The following NPAS1 variants were observed in gnomAD, a reference collection of about 807,000 sequenced individuals.
The protein encoded by NPAS1 is neuronal PAS domain protein 1, also known as neuronal PAS domain-containing protein 1.
NPAS1 carries 29 observed loss-of-function variants against 49.2 expected under a neutral mutation model. That is an observed-to-expected ratio of 0.59 (90% CI 0.44 to 0.80). The LOEUF is 0.80. NPAS1 is among the 30% of genes least tolerant of loss of function. The pLI is 0.00. For missense variants in NPAS1, 825 were observed against 835.5 expected, an observed-to-expected ratio of 0.99 and a Z score of 0.15; for synonymous variants, 408 against 380.4, an observed-to-expected ratio of 1.07 and a Z score of -0.84.
chr19:47,032,836 A>G (rs776904702), intron 5 of NPAS1, 104 bp downstream of exon 5: 23 of 805,826 alleles, frequency 2.9e-5, no homozygotes, highest in Non-Finnish European at 3.9e-5. Context: ...AGCAAGAAAA[A>G]TGGACTGGAT....
intron 3 of NPAS1, among the ~76,000 whole-genome samples, chr19:47,031,317 C>T (rs757622870): frequency 6.6e-6 from 1 of 151,324 alleles, no homozygotes; most frequent in African/African-American, 2.4e-5. Flanking sequence ...TCCTACCTAG[C>T]CTCCTAAATA....
At chr19:47,036,440 C>G (rs1256050546) in intron 6 of NPAS1, among the ~76,000 whole-genome samples, 1 of 151,260 alleles carries the variant, frequency 6.6e-6, no homozygotes, top group Non-Finnish European at 1.5e-5. Flanking sequence ...TGCACAATCA[C>G]ATTACATAAT....
chr19:47,030,145 G>A lies in NPAS1; in HGVS notation c.359-2133G>A, dbSNP rs746449405. Among the ~76,000 whole-genome samples, 12 of 151,958 alleles carry A rather than the reference G, an allele frequency of 7.9e-5. No individual in the cohort carries two copies. In the East Asian group the frequency reaches 1.4e-3, roughly 17 times the overall value. On this transcript the variant is annotated intron_variant, in intron 3 of 11. Coordinates refer to ENST00000602212, the MANE Select transcript of NPAS1 (RefSeq NM_002517.4). The stretch of plus-strand genomic sequence containing the variant: ...TTCAAGGGATTCTCCTGCCTCAGCC[G>A]CCTAAGTAGCTGGGATTATAGGTGC...
chr19:47,021,788 TCGCCGCGCTGGGGG>T lies in NPAS1; in HGVS notation c.306_319del (p.Pro106GlufsTer187). ...GTCACCTACCTCCGCCTGCGCCGGT[TCGCCGCGCTGGGGG>T]CGCCGCCCTGGGGGCTGAGAGCCGC... On this transcript the variant is annotated frameshift_variant, in exon 3 of 12. Coordinates refer to ENST00000602212, the MANE Select transcript of NPAS1 (RefSeq NM_002517.4). LOFTEE classifies it high-confidence loss of function. The surrounding 1 kb of genome is among the most constrained non-coding windows in gnomAD (Gnocchi z 5.7). 1 of 1,532,050 alleles carries T rather than the reference TCGCCGCGCTGGGGG, an allele frequency of 6.5e-7. No homozygotes were observed. The highest frequency in any genetic ancestry group is 8.8e-7 in the Non-Finnish European group (1 of 1,140,372). The allele number at this position is 1,532,050 out of a possible 1,614,324, so 94.9% of individuals were successfully genotyped here. A position where few individuals can be genotyped will look rare whatever the true frequency, so the allele number is the denominator to read the frequency against.
intron 6 of NPAS1, among the ~76,000 whole-genome samples, chr19:47,038,420 G>T (rs149392096): frequency 4.2e-5 from 6 of 141,792 alleles, no homozygotes; most frequent in Admixed American, 3.7e-4. Context: ...AGGAAGCTGA[G>T]GCAGGAGAAT....
chr19:47,039,091 T>G lies in NPAS1; in HGVS notation c.744T>G (p.Phe248Leu). The change falls in exon 7 of 12, where the codon TTT becomes TTG. Residue 248 changes from phenylalanine (F) to leucine (L), a missense_variant. Coordinates refer to ENST00000602212, the MANE Select transcript of NPAS1 (RefSeq NM_002517.4). ...CCCTGGTCCAGGAGCGCTCCTTCTT[T>G]GTCCGCATGAAATCCACGCTCACCA... ...PSSLVQERSF[F>L]VRMKSTLTKR... 1 of 1,613,972 alleles carries G rather than the reference T, an allele frequency of 6.2e-7. No homozygotes were observed. Among genetic ancestry groups the G allele is most frequent in the Non-Finnish European group, 8.5e-7 (1 of 1,179,948 alleles).
chr19:47,038,914 C>T, intron 6 of NPAS1, 122 bp from the exon 7 acceptor site: 2 of 773,188 alleles, frequency 2.6e-6, no homozygotes, highest in Admixed American at 2.1e-5. Context: ...AGGCATGCCT[C>T]TGAGTGCGGC....
intron 3 of NPAS1, among the ~76,000 whole-genome samples, chr19:47,024,591 C>T (rs1024979494): frequency 6.6e-6 from 1 of 152,154 alleles, no homozygotes; most frequent in Non-Finnish European, 1.5e-5. Context: ...TGCCCAAGGT[C>T]GCACAGCTGG....
Position 47,041,107 on chromosome 19 carries a change from G to T in NPAS1, c.1199G>T (p.Trp400Leu). ...AGCCCCGGGGAGCACCATGTGCTTT[G>T]GGTCAGCCACGTGCTCAGGTGAGGG... The part of the protein sequence containing the change: ...GKSPGEHHVL[W>L]VSHVLSQAEG... Residue 400 changes from tryptophan to leucine, a missense_variant, in exon 10 of 12, where the codon TGG (tryptophan) becomes TTG (leucine). Transcript: ENST00000602212. 6.3e-7 allele frequency: 1 copy of T among 1,592,584 alleles called. No homozygotes were observed.
chr19:47,021,260 A>C lies in NPAS1; in HGVS notation c.122+91A>C. 1 of 1,208,232 alleles carries C rather than the reference A, an allele frequency of 8.3e-7. No homozygotes were observed. The highest frequency in any genetic ancestry group is 2.8e-5 in the Admixed American group (1 of 35,264). 74.8% of individuals were successfully genotyped at this position (1,208,232 alleles called of 1,614,324 possible). On this transcript the variant is annotated intron_variant, in intron 2 of 11. Transcript: ENST00000602212. This position sits in a 1 kb window ranked among gnomAD's most constrained non-coding sequence, Gnocchi z 5.7. ...GTCCCCGTGCCAAGGGGCAGTTCAC[A>C]CCCAGCTCCCTGACCCGCCCCTTAG...
At chr19:47,022,991 C>T (rs1004121268) in intron 3 of NPAS1, among the ~76,000 whole-genome samples, 3 of 152,258 alleles carry the variant, frequency 2.0e-5, no homozygotes, top group African/African-American at 7.2e-5. Context: ...GTCCCCACCC[C>T]TCCAGGAGAA....
chr19:47,040,747 G>A (rs1054225268), intron 9 of NPAS1, 197 bp downstream of exon 9: 1 of 599,198 alleles, frequency 1.7e-6, no homozygotes, highest in South Asian at 2.1e-5. Flanking sequence ...GTGGGGGGGG[G>A]GTCTGGGGGG....
chr19:47,025,144 C>G (rs1197617383), intron 3 of NPAS1, among the ~76,000 whole-genome samples: 1 of 135,662 alleles, frequency 7.4e-6, no homozygotes, highest in Non-Finnish European at 1.7e-5. Flanking sequence ...CTGACACTCT[C>G]TGTATTTATC....
At position 47,042,866 on chromosome 19, in the gene NPAS1, C is replaced by G; in HGVS notation, c.1274C>G (p.Ala425Gly). ...GCCTTCCAGCTTCCAGCCAGCGTGG[C>G]CTGTGAGGAGGCATCCAGCCCGGGG... ...LDAFQLPASV[A>G]CEEASSPGPE... is the part of the protein sequence containing the mutation. The change falls in exon 11 of 12, where the codon GCC (alanine) becomes GGC (glycine). Residue 425 changes from alanine (A) to glycine (G), a missense_variant. Physicochemically the swap from Ala to Gly is moderately conservative, Grantham distance 60 (BLOSUM62 0). Transcript: ENST00000602212. 1 of 1,605,984 alleles carries G rather than the reference C, an allele frequency of 6.2e-7. No individual in the cohort carries two copies.
chr19:47,021,035 G>T lies in NPAS1; in HGVS notation c.-13G>T. 1 of 1,594,968 alleles carries T rather than the reference G, an allele frequency of 6.3e-7. No homozygotes were observed. The highest frequency in any genetic ancestry group is 8.5e-7 in the Non-Finnish European group (1 of 1,173,124). ...CTCGGGGCTCGGAGCCCGCCTGAGC[G>T]AGCCCCCCGGAGATGGCGGCCCCCT... On this transcript the variant is annotated 5_prime_UTR_variant, in exon 2 of 12. Transcript: ENST00000602212. This position sits in a 1 kb window ranked among gnomAD's most constrained non-coding sequence, Gnocchi z 5.7.
rs2122411280 is a variant in NPAS1, at chr19:47,019,987, C to T, written c.-53C>T. ...CTCTGCGGCCAAGTAATCGGACTGG[C>T]GGTCCTGCGGGTAGGGGAAGCTTGC... On this transcript the variant is annotated 5_prime_UTR_variant, in exon 1 of 12. Coordinates refer to ENST00000602212, the MANE Select transcript of NPAS1 (RefSeq NM_002517.4). 1 of 389,748 alleles carries T rather than the reference C, an allele frequency of 2.6e-6. No homozygotes were observed. Among genetic ancestry groups the T allele is most frequent in the Non-Finnish European group, 4.5e-6 (1 of 220,820 alleles). The allele number at this position is 389,748 out of a possible 1,614,324, so 24.1% of individuals were successfully genotyped here.
Position 47,028,266 on chromosome 19 carries a change from A to G in NPAS1, c.359-4012A>G, listed in dbSNP as rs529026333. Among the ~76,000 whole-genome samples, 30 of 152,166 alleles carry G rather than the reference A, an allele frequency of 2.0e-4. No homozygotes were observed. The South Asian group carries it at 6.2e-3, about 32-fold the overall frequency. The stretch of plus-strand genomic sequence containing the variant: ...TGTCACCCGGCTGGTTCCGAGCTGT[A>G]TCTTGAGGGAGGGGGTCCCCGTCAA... On this transcript the variant is annotated intron_variant, in intron 3 of 11. Transcript: ENST00000602212.
chr19:47,032,716 A>G lies in NPAS1; in HGVS notation c.506A>G (p.Tyr169Cys). The change falls in exon 5 of 12, where the codon TAT becomes TGT. Residue 169 changes from tyrosine to cysteine, a missense_variant. Tyr to Cys is a radical substitution (Grantham distance 194, BLOSUM62 -2). Transcript: ENST00000602212. ...TACATCTCAGAGACAGTCTCCATCT[A>G]TCTGGGTCTCTCACAGGTAAGGGAC... ...FLYISETVSI[Y>C]LGLSQVEMTG... The G allele has an allele frequency of 1.9e-6, 3 of 1,613,948 alleles. 1 individual carries two copies. Among genetic ancestry groups the G allele is most frequent in the South Asian group, 2.2e-5 (2 of 91,076 alleles).
chr19:47,027,968 T>A (rs2056884748), intron 3 of NPAS1, among the ~76,000 whole-genome samples: 3 of 151,788 alleles, frequency 2.0e-5, no homozygotes, highest in Admixed American at 2.0e-4. Context: ...GTTGGTGGGA[T>A]CGGGAGGTGG....
Sources: allele counts gnomAD v4.1 joint callset (sites outside exome capture counted in the v4.1 genomes callset), GRCh38; gene constraint gnomAD v4.1.1; non-coding constraint Gnocchi (gnomAD v3.1); transcripts MANE v1.5; gene names NCBI Gene and HGNC (gene_info 2026-07-23, HGNC 2026-07-21).